The following FAM117B variants were observed in gnomAD, a reference collection of about 807,000 sequenced individuals.
FAM117B encodes family with sequence similarity 117 member B, also known as protein FAM117B.
In FAM117B, 22 loss-of-function variants were observed where a neutral mutation model predicts 52.8. The observed-to-expected ratio is 0.42, with a 90% CI of 0.30 to 0.59. The LOEUF (loss-of-function observed/expected upper bound fraction) is 0.59, where lower values mean the gene tolerates loss of function less well. Ranked by LOEUF, FAM117B falls within the 20% of genes least tolerant of loss-of-function variation. The pLI, the probability that FAM117B is intolerant of heterozygous loss-of-function variation, is 0.22. For synonymous variants in FAM117B, 309 were observed against 324.1 expected, an observed-to-expected ratio of 0.95 and a Z score of 0.50; for missense variants, 678 against 802.6, an observed-to-expected ratio of 0.84 and a Z score of 1.88.
intron 1 of FAM117B, among the ~76,000 whole-genome samples, chr2:202,637,182 C>A (rs929926439): frequency 1.3e-5 from 2 of 152,058 alleles, no homozygotes; most frequent in African/African-American, 4.8e-5. Flanking sequence ...CAGGCATGCG[C>A]CACTGCGCCC....
At chr2:202,675,842 G>C (rs113156920) in intron 1 of FAM117B, among the ~76,000 whole-genome samples, 1 of 151,968 alleles carries the variant, frequency 6.6e-6, no homozygotes. Context: ...AGAATTAGCC[G>C]GGTGTGGTGG....
intron 2 of FAM117B, among the ~76,000 whole-genome samples, chr2:202,697,458 T>C (rs901339252): frequency 6.6e-6 from 1 of 152,240 alleles, no homozygotes; most frequent in African/African-American, 2.4e-5. Context: ...TTATACTGAT[T>C]GTTGAAAGTC....
At chr2:202,682,149 T>TTGG (rs1690471766) in intron 1 of FAM117B, among the ~76,000 whole-genome samples, 2 of 152,194 alleles carry the variant, frequency 1.3e-5, no homozygotes, top group Non-Finnish European at 2.9e-5. Flanking sequence ...GCCACTTTCA[T>TTGG]CGGCAATAAA....
intron 1 of FAM117B, among the ~76,000 whole-genome samples, chr2:202,655,078 A>T (rs892128520): frequency 1.8e-4 from 23 of 128,988 alleles, no homozygotes; most frequent in African/African-American, 1.1e-3. Flanking sequence ...AAGAAGGAAA[A>T]ATTATTTGGT....
chr2:202,746,662 T>C (rs1328841117), intron 4 of FAM117B, among the ~76,000 whole-genome samples: 3 of 152,044 alleles, frequency 2.0e-5, no homozygotes, highest in African/African-American at 7.2e-5. Flanking sequence ...GGTAATTTCA[T>C]TGACACATAC....
chr2:202,759,967 C>CTGGGAT (rs1322684896), intron 7 of FAM117B, among the ~76,000 whole-genome samples: 11 of 152,202 alleles, frequency 7.2e-5, no homozygotes, highest in African/African-American at 2.2e-4. Context: ...TCCTGAAGTG[C>CTGGGAT]TGGGATTGCA....
intron 3 of FAM117B, 57 bp from the exon 4 acceptor site, chr2:202,726,193 G>A (rs1559110588): frequency 1.8e-6 from 2 of 1,123,290 alleles, no homozygotes; most frequent in Admixed American, 3.9e-5. Flanking sequence ...AAGCAAGGAT[G>A]TGTTTTTGTT....
intron 1 of FAM117B, among the ~76,000 whole-genome samples, chr2:202,683,273 C>G (rs765697415): frequency 6.6e-5 from 10 of 151,934 alleles, no homozygotes; most frequent in Non-Finnish European, 1.3e-4. Context: ...AGGGTACAGT[C>G]AGCCGAGATC....
At chr2:202,752,791 C>T (rs1367343354) in intron 4 of FAM117B, among the ~76,000 whole-genome samples, 1 of 152,148 alleles carries the variant, frequency 6.6e-6, no homozygotes, top group Admixed American at 6.5e-5. Context: ...TGTCAGGAAA[C>T]AAGTAATATC....
intron 1 of FAM117B, among the ~76,000 whole-genome samples, chr2:202,649,776 T>C (rs1266203132): frequency 1.3e-5 from 2 of 152,170 alleles, no homozygotes; most frequent in African/African-American, 4.8e-5. Flanking sequence ...GGTCTCGAAC[T>C]CCTGACCTCA....
chr2:202,755,242 A>G (rs1691784155), intron 4 of FAM117B, among the ~76,000 whole-genome samples: 4 of 152,210 alleles, frequency 2.6e-5, no homozygotes, highest in Admixed American at 2.0e-4. Context: ...GCTCTGTTAC[A>G]GTCGTAAAAG....
chr2:202,732,181 G>A (rs562685286), intron 4 of FAM117B, among the ~76,000 whole-genome samples: 16 of 151,910 alleles, frequency 1.1e-4, no homozygotes, highest in South Asian at 4.1e-4. Flanking sequence ...GTGAGCCACC[G>A]CGCCTGGCTG....
intron 1 of FAM117B, among the ~76,000 whole-genome samples, chr2:202,685,628 C>G (rs189328820): frequency 8.5e-5 from 13 of 152,290 alleles, no homozygotes; most frequent in African/African-American, 2.9e-4. Context: ...AATAATAGAA[C>G]ATTGAGAAAT....
chr2:202,635,267 G>T lies in FAM117B; in HGVS notation c.80G>T (p.Gly27Val), dbSNP rs1689659004. The T allele has an allele frequency of 1.1e-5, 15 of 1,388,680 alleles. No individual in the cohort carries two copies. Among genetic ancestry groups the T allele is most frequent in the Middle Eastern group, 2.3e-4 (1 of 4,412 alleles). The allele number at this position is 1,388,680 out of a possible 1,614,324, so 86.0% of individuals were successfully genotyped here. A position where few individuals can be genotyped will look rare whatever the true frequency, so the allele number is the denominator to read the frequency against. The change falls in exon 1 of 8, where the codon GGA becomes GTA. Residue 27 changes from glycine (G) to valine (V), a missense_variant. This residue lies in a region of FAM117B where 583 missense variants were observed against 644.8 expected (regional missense o/e 0.90). Coordinates refer to ENST00000392238, the MANE Select transcript of FAM117B (RefSeq NM_173511.4). ...LGGGAVATAG[G>V]PGSRLQPMRA... ...GGTGGTGCGGTGGCCACGGCCGGGG[G>T]ACCCGGGAGCCGCTTGCAGCCCATG...
At chr2:202,722,812 A>G (rs1197263446) in intron 2 of FAM117B, among the ~76,000 whole-genome samples, 3 of 152,040 alleles carry the variant, frequency 2.0e-5, no homozygotes, top group African/African-American at 7.2e-5. Context: ...CAGTACATGT[A>G]CCCTTGAACT....
intron 4 of FAM117B, among the ~76,000 whole-genome samples, chr2:202,735,227 A>G (rs985377477): frequency 5.3e-5 from 8 of 152,034 alleles, no homozygotes; most frequent in Admixed American, 2.6e-4. Flanking sequence ...TTTTCCCAAG[A>G]TAGGTTTTTA....
intron 7 of FAM117B, among the ~76,000 whole-genome samples, chr2:202,761,365 A>G (rs538792682): frequency 1.3e-5 from 2 of 152,268 alleles, no homozygotes; most frequent in South Asian, 4.1e-4. Context: ...GCATTTGGAA[A>G]GTTTCTGAGG....
At chr2:202,709,145 T>C (rs979952154) in intron 2 of FAM117B, among the ~76,000 whole-genome samples, 2 of 152,152 alleles carry the variant, frequency 1.3e-5, no homozygotes, top group South Asian at 2.1e-4. Context: ...GTGCATCTTC[T>C]TTGGAGAAAT....
At chr2:202,744,522 G>A (rs1348655191) in intron 4 of FAM117B, among the ~76,000 whole-genome samples, 1 of 152,034 alleles carries the variant, frequency 6.6e-6, no homozygotes, top group Non-Finnish European at 1.5e-5. Context: ...AGGTTTGGAG[G>A]AACAAACATC....
Sources: gnomAD v4.1 joint callset for allele counts (sites outside exome capture counted in the v4.1 genomes callset) on GRCh38, gnomAD v4.1.1 for gene constraint, gnomAD v4.1.1 regional missense constraint, MANE v1.5 for transcripts, NCBI Gene and HGNC (gene_info 2026-07-23, HGNC 2026-07-21) for gene names.